Variants in KIF16B observed in about 807,000 individuals in gnomAD.
The protein encoded by KIF16B is kinesin-like protein KIF16B.
Under a neutral mutation model 156.3 loss-of-function variants are expected in KIF16B, and 98 were observed. The observed-to-expected ratio is 0.63, with a 90% CI of 0.53 to 0.74. KIF16B has a LOEUF of 0.74. KIF16B is among the 30% of genes least tolerant of loss of function. KIF16B has a pLI of 0.00. For missense variants in KIF16B, 1,421 were observed against 1,606.5 expected, an observed-to-expected ratio of 0.88 and a Z score of 1.97; for synonymous variants, 564 against 583.7, an observed-to-expected ratio of 0.97 and a Z score of 0.49.
At chr20:16,496,992 CTGTT>C (rs1295322953) in intron 11 of KIF16B, among the ~76,000 whole-genome samples, 1 of 151,874 alleles carries the variant, frequency 6.6e-6, no homozygotes, top group African/African-American at 2.4e-5. Flanking sequence ...GTTCTAATGT[CTGTT>C]TCTCTTTTCA....
At chr20:16,534,893 G>T (rs1568656359) in intron 1 of KIF16B, among the ~76,000 whole-genome samples, 1 of 152,028 alleles carries the variant, frequency 6.6e-6, no homozygotes, top group South Asian at 2.1e-4. Flanking sequence ...TGCTGTTTTG[G>T]TTACTACAGA....
chr20:16,377,386 C>T (rs117492012), intron 19 of KIF16B, among the ~76,000 whole-genome samples: 3,698 of 148,578 alleles, frequency 0.025, 64 homozygotes, highest in Non-Finnish European at 0.037. Context: ...ACAGGGAAAC[C>T]CCATCTCTAA....
At chr20:16,514,443 T>C (rs1219502594) in intron 4 of KIF16B, among the ~76,000 whole-genome samples, 2 of 152,000 alleles carry the variant, frequency 1.3e-5, no homozygotes, top group African/African-American at 4.8e-5. Context: ...ACGACTTCCA[T>C]GAACCTCCAA....
intron 1 of KIF16B, among the ~76,000 whole-genome samples, chr20:16,535,632 T>C (rs530369907): frequency 7.6e-4 from 115 of 152,270 alleles, no homozygotes; most frequent in African/African-American, 2.7e-3. Flanking sequence ...GGGTTTGTCA[T>C]ATATAGTCTT....
At chr20:16,415,661 A>C (rs1247114317) in intron 15 of KIF16B, among the ~76,000 whole-genome samples, 1 of 152,006 alleles carries the variant, frequency 6.6e-6, no homozygotes, top group Non-Finnish European at 1.5e-5. Flanking sequence ...TCCTCCCTCC[A>C]TCCCCTTTCC....
At chr20:16,475,693 A>G (rs1345217289) in intron 12 of KIF16B, among the ~76,000 whole-genome samples, 4 of 152,194 alleles carry the variant, frequency 2.6e-5, no homozygotes, top group African/African-American at 9.7e-5. Flanking sequence ...AGATGAGGAA[A>G]ATGAGAGGTA....
intron 24 of KIF16B, among the ~76,000 whole-genome samples, chr20:16,315,332 A>C (rs759805009): frequency 2.0e-5 from 3 of 152,154 alleles, no homozygotes; most frequent in Non-Finnish European, 2.9e-5. Flanking sequence ...GGACCATGAT[A>C]CTCAACTAAC....
intron 25 of KIF16B, among the ~76,000 whole-genome samples, chr20:16,297,645 T>G (rs766759838): frequency 1.5e-4 from 22 of 143,702 alleles, no homozygotes; most frequent in South Asian, 2.2e-4. Flanking sequence ...GCAGTGAGCC[T>G]AGATCGCACT....
Position 16,387,702 on chromosome 20 carries a change from G to A in KIF16B, c.1785-5955C>T, listed in dbSNP as rs558896821. On this transcript the variant is annotated intron_variant, in intron 17 of 25. Coordinates refer to ENST00000354981, the MANE Select transcript of KIF16B (RefSeq NM_024704.5). ...AACTGTACGGACAGTCAAAGAGTGC[G>A]AAAGGCAAAAAGTGGGACAGGCAGC... is the stretch of plus-strand genomic sequence containing the variant. 2.2e-4 allele frequency among the ~76,000 whole-genome samples: 33 copies of A among 152,282 alleles called. No individual in the cohort carries two copies. The East Asian group carries it at 5.8e-3, about 27-fold the overall frequency.
At chr20:16,466,158 C>G (rs1187707966) in intron 12 of KIF16B, among the ~76,000 whole-genome samples, 1 of 152,204 alleles carries the variant, frequency 6.6e-6, no homozygotes, top group African/African-American at 2.4e-5. Flanking sequence ...AATGAGAACC[C>G]ATGGCTGGGA....
chr20:16,349,914 A>G (rs934635434), intron 23 of KIF16B, among the ~76,000 whole-genome samples: 36 of 152,334 alleles, frequency 2.4e-4, no homozygotes, highest in African/African-American at 8.4e-4. Flanking sequence ...AGTTCACACA[A>G]TGGAAAGGAG....
intron 12 of KIF16B, among the ~76,000 whole-genome samples, chr20:16,454,884 A>G (rs759241684): frequency 1.3e-5 from 2 of 152,200 alleles, no homozygotes; most frequent in Non-Finnish European, 2.9e-5. Flanking sequence ...AGTAGGAATC[A>G]GAACTCTCTC....
chr20:16,301,066 A>G, intron 25 of KIF16B, among the ~76,000 whole-genome samples: 1 of 152,186 alleles, frequency 6.6e-6, no homozygotes, highest in Non-Finnish European at 1.5e-5. Flanking sequence ...CCAAAATGCC[A>G]TATAGTTAGA....
chr20:16,374,246 A>G lies in KIF16B; in HGVS notation c.3350+11T>C. Reference sequence around the variant, plus strand: ...AAATGAGAAGCCTGGAATCACTTTCATGTCCAGTACCTGGCATCCATGAGG... The same window carrying G: ...AAATGAGAAGCCTGGAATCACTTTCGTGTCCAGTACCTGGCATCCATGAGG... On this transcript the variant is annotated intron_variant, in intron 20 of 25. Coordinates refer to ENST00000354981, the MANE Select transcript of KIF16B (RefSeq NM_024704.5). The G allele has an allele frequency of 6.5e-7, 1 of 1,534,558 alleles. No individual in the cohort carries two copies. The highest frequency in any genetic ancestry group is 2.3e-5 in the East Asian group (1 of 43,330).
At chr20:16,447,166 G>A (rs2066955915) in intron 12 of KIF16B, among the ~76,000 whole-genome samples, 1 of 151,976 alleles carries the variant, frequency 6.6e-6, no homozygotes, top group Non-Finnish European at 1.5e-5. Flanking sequence ...CTTAGATGTG[G>A]GCCACGTAGA....
At chr20:16,357,199 G>A (rs1251762684) in intron 22 of KIF16B, among the ~76,000 whole-genome samples, 1 of 152,126 alleles carries the variant, frequency 6.6e-6, no homozygotes, top group Non-Finnish European at 1.5e-5. Context: ...TGAAGTAATA[G>A]CAATAACAAA....
intron 16 of KIF16B, among the ~76,000 whole-genome samples, chr20:16,405,851 TTTC>T (rs2065770041): frequency 1.3e-5 from 2 of 152,186 alleles, no homozygotes; most frequent in Admixed American, 1.3e-4. Context: ...AACAGATTTC[TTTC>T]TTTCTTTCTC....
At chr20:16,360,127 C>T (rs2064524125) in intron 22 of KIF16B, among the ~76,000 whole-genome samples, 1 of 152,028 alleles carries the variant, frequency 6.6e-6, no homozygotes, top group Non-Finnish European at 1.5e-5. Flanking sequence ...ATCAAATCAT[C>T]ACTGTGGTGT....
intron 25 of KIF16B, among the ~76,000 whole-genome samples, chr20:16,284,451 C>T (rs1276773487): frequency 6.6e-6 from 1 of 152,154 alleles, no homozygotes; most frequent in Non-Finnish European, 1.5e-5. Context: ...CATGTATGTC[C>T]CGGATTGCAA....
Sources: gnomAD v4.1 joint callset for allele counts (sites outside exome capture counted in the v4.1 genomes callset) on GRCh38, gnomAD v4.1.1 for gene constraint, MANE v1.5 for transcripts, NCBI Gene and HGNC (gene_info 2026-07-23, HGNC 2026-07-21) for gene names.